HS6ST3: variants seen among roughly 807,000 people sequenced by gnomAD.
The protein encoded by HS6ST3 is heparan-sulfate 6-O-sulfotransferase 3.
In HS6ST3, 12 loss-of-function variants were observed where a neutral mutation model predicts 36.7. The ratio of observed to expected loss-of-function variants is 0.33; its 90% CI spans 0.21 to 0.53. The LOEUF (loss-of-function observed/expected upper bound fraction) is 0.53, where lower values mean the gene tolerates loss of function less well. HS6ST3 is among the 20% of genes least tolerant of loss of function. The probability of loss-of-function intolerance (pLI) is 0.95; values close to 1 mark genes in which losing one functional copy is unlikely to be tolerated. For missense variants in HS6ST3, 584 were observed against 640.9 expected, an observed-to-expected ratio of 0.91 and a Z score of 0.96; for synonymous variants, 240 against 257.5, an observed-to-expected ratio of 0.93 and a Z score of 0.65.
At chr13:96,478,655 A>G (rs1424080731) in intron 1 of HS6ST3, among the ~76,000 whole-genome samples, 1 of 152,064 alleles carries the variant, frequency 6.6e-6, no homozygotes, top group East Asian at 1.9e-4. Flanking sequence ...CCTACCATTT[A>G]TATTTAGCGT....
In HS6ST3 at chr13:96,116,874, G is replaced by A. The variant is rs146114822; in HGVS notation, c.707+25305G>A. 7.7e-3 allele frequency among the ~76,000 whole-genome samples: 1,179 copies of A among 152,222 alleles called. 18 individuals are homozygous for A. The highest frequency in any genetic ancestry group is 0.027 in the African/African-American group (1,115 of 41,536). On this transcript the variant is annotated intron_variant, in intron 1 of 1. Coordinates refer to ENST00000376705, the MANE Select transcript of HS6ST3 (RefSeq NM_153456.4). Reference sequence around the variant, plus strand: ...TATTCAGAGAGGCTCAGGGAAACTCGAAGTAGGTAAAAATATGCTTAAGGA... The same window carrying A: ...TATTCAGAGAGGCTCAGGGAAACTCAAAGTAGGTAAAAATATGCTTAAGGA...
intron 1 of HS6ST3, among the ~76,000 whole-genome samples, chr13:96,750,470 G>A (rs1349200263): frequency 3.9e-5 from 6 of 152,204 alleles, no homozygotes; most frequent in Non-Finnish European, 7.3e-5. Flanking sequence ...GAAGATAAAG[G>A]CATAAGCCAT....
intron 1 of HS6ST3, among the ~76,000 whole-genome samples, chr13:96,195,667 TGCACTCAGTAGCAA>T (rs905587612): frequency 6.6e-6 from 1 of 152,186 alleles, no homozygotes; most frequent in African/African-American, 2.4e-5. Context: ...GCCGACACCA[TGCACTCAGTAGCAA>T]GCATTTGCTG....
intron 1 of HS6ST3, among the ~76,000 whole-genome samples, chr13:96,495,690 T>A (rs1405667456): frequency 6.6e-6 from 1 of 152,170 alleles, no homozygotes; most frequent in Non-Finnish European, 1.5e-5. Context: ...GGAGTGTAAT[T>A]GATGTGACTT....
intron 1 of HS6ST3, among the ~76,000 whole-genome samples, chr13:96,254,933 T>G (rs918816634): frequency 1.1e-4 from 17 of 152,200 alleles, no homozygotes; most frequent in African/African-American, 4.1e-4. Flanking sequence ...TAGCAGTGAA[T>G]AGAAAGCCAA....
rs569114066 is a variant in HS6ST3, at chr13:96,369,118, G to A, written c.707+277549G>A. Among the ~76,000 whole-genome samples the A allele has an allele frequency of 8.5e-5, 13 of 152,122 alleles. No individual in the cohort carries two copies. In the South Asian group the frequency reaches 2.1e-3, roughly 24 times the overall value. On this transcript the variant is annotated intron_variant, in intron 1 of 1. Coordinates refer to ENST00000376705, the MANE Select transcript of HS6ST3 (RefSeq NM_153456.4). ...GAGAGTTGAGGGGAGGTTGCGTACC[G>A]ATAATCTTGATGGCATGATATGAAC...
intron 1 of HS6ST3, among the ~76,000 whole-genome samples, chr13:96,571,000 C>A (rs1214196938): frequency 6.6e-6 from 1 of 152,060 alleles, no homozygotes; most frequent in Non-Finnish European, 1.5e-5. Flanking sequence ...AAAGATTATT[C>A]ATAGTGGTAA....
intron 1 of HS6ST3, among the ~76,000 whole-genome samples, chr13:96,674,404 T>C (rs144510073): frequency 6.6e-6 from 1 of 152,136 alleles, no homozygotes; most frequent in Admixed American, 6.6e-5. Context: ...ACTAATACAC[T>C]GTGAAACCTC....
chr13:96,771,839 A>C (rs764796914), intron 1 of HS6ST3, among the ~76,000 whole-genome samples: 5 of 152,206 alleles, frequency 3.3e-5, no homozygotes, highest in African/African-American at 4.8e-5. Flanking sequence ...AAAAGATAAA[A>C]GATGTAAAAG....
rs182524440 is a variant in HS6ST3 at position 96,325,344 on chromosome 13, A to G, written c.707+233775A>G. On this transcript the variant is annotated intron_variant, in intron 1 of 1. Coordinates refer to ENST00000376705, the MANE Select transcript of HS6ST3 (RefSeq NM_153456.4). ...TATCTGCAGGTTCTGGAGCCAAGAA[A>G]TCAATGGCCTCATCTTAATCTGATT... Among the ~76,000 whole-genome samples the G allele has an allele frequency of 1.6e-3, 244 of 152,334 alleles. 1 individual carries two copies. The highest frequency in any genetic ancestry group is 5.7e-3 in the African/African-American group (237 of 41,566).
At chr13:96,243,446 T>C (rs929564385) in intron 1 of HS6ST3, among the ~76,000 whole-genome samples, 34 of 152,216 alleles carry the variant, frequency 2.2e-4, no homozygotes, top group African/African-American at 8.2e-4. Flanking sequence ...TTTGTTGAAT[T>C]ATTTTGACTA....
At chr13:96,501,628 G>A (rs982445595) in intron 1 of HS6ST3, among the ~76,000 whole-genome samples, 1 of 152,214 alleles carries the variant, frequency 6.6e-6, no homozygotes. Context: ...ACAAAGTTCT[G>A]CCACAGAGCC....
chr13:96,620,408 G>A (rs1157479565), intron 1 of HS6ST3, among the ~76,000 whole-genome samples: 3 of 152,192 alleles, frequency 2.0e-5, no homozygotes, highest in Non-Finnish European at 4.4e-5. Context: ...TTAATGTTCA[G>A]TTTGTGCTTA....
intron 1 of HS6ST3, among the ~76,000 whole-genome samples, chr13:96,491,360 T>G (rs1452350968): frequency 6.6e-6 from 1 of 151,680 alleles, no homozygotes; most frequent in East Asian, 1.9e-4. Context: ...CATTTCATAC[T>G]GCCATGAATA....
chr13:96,513,279 G>A (rs1490411805), intron 1 of HS6ST3, among the ~76,000 whole-genome samples: 1 of 150,278 alleles, frequency 6.7e-6, no homozygotes, highest in Non-Finnish European at 1.5e-5. Context: ...TTTTTTTTCT[G>A]GGGCGAGATC....
chr13:96,214,423 A>ACTC (rs1338622815), intron 1 of HS6ST3, among the ~76,000 whole-genome samples: 2 of 151,822 alleles, frequency 1.3e-5, no homozygotes, highest in African/African-American at 4.8e-5. Flanking sequence ...TTTCCCCCAG[A>ACTC]CTCCTGGAGT....
chr13:96,165,127 A>C (rs1187811018), intron 1 of HS6ST3, among the ~76,000 whole-genome samples: 1 of 152,230 alleles, frequency 6.6e-6, no homozygotes, highest in Non-Finnish European at 1.5e-5. Flanking sequence ...TGGAGTGGCA[A>C]AGAATATGTA....
intron 1 of HS6ST3, among the ~76,000 whole-genome samples, chr13:96,459,106 A>AAAAAAAAAAAAAAAAAAAAAAAAAAAAC: frequency 1.5e-5 from 1 of 67,628 alleles, no homozygotes; most frequent in Non-Finnish European, 5.3e-5. Flanking sequence ...TGTCTAAAAA[A>AAAAAAAAAAAAAAAAAAAAAAAAAAAAC]AAAAAAAAAA....
chr13:96,423,705 T>C lies in HS6ST3; in HGVS notation c.707+332136T>C, dbSNP rs528694756. 2.5e-3 allele frequency among the ~76,000 whole-genome samples: 376 copies of C among 152,126 alleles called. 1 individual carries two copies. Among genetic ancestry groups the C allele is most frequent in the Middle Eastern group, 6.8e-3 (2 of 294 alleles). On this transcript the variant is annotated intron_variant, in intron 1 of 1. Coordinates refer to ENST00000376705, the MANE Select transcript of HS6ST3 (RefSeq NM_153456.4). ...GGCTGGAGCAGAATGGAGGCTGTAC[T>C]TTGCTGGCCACTGTAAGGATTTCTG...
Sources: gnomAD v4.1 joint callset for allele counts (sites outside exome capture counted in the v4.1 genomes callset) on GRCh38, gnomAD v4.1.1 for gene constraint, MANE v1.5 for transcripts, NCBI Gene and HGNC (gene_info 2026-07-23, HGNC 2026-07-21) for gene names.